Variants in FNDC3B observed in about 807,000 individuals in gnomAD.
The protein encoded by FNDC3B is fibronectin type III domain-containing protein 3B.
Under a neutral mutation model 151.5 loss-of-function variants are expected in FNDC3B, and 12 were observed. The ratio of observed to expected loss-of-function variants is 0.08; its 90% confidence interval spans 0.05 to 0.13. The LOEUF (loss-of-function observed/expected upper bound fraction) is 0.13. Ranked by LOEUF, FNDC3B falls within the 10% of genes least tolerant of loss-of-function variation. The probability of loss-of-function intolerance (pLI) is 1.00; values close to 1 mark genes in which losing one functional copy is unlikely to be tolerated. For synonymous variants in FNDC3B, 528 were observed against 549.0 expected, an observed-to-expected ratio of 0.96 and a Z score of 0.54; for missense variants, 1,214 against 1,505.3, an observed-to-expected ratio of 0.81 and a Z score of 3.20.
At chr3:172,258,032 A>G (rs1024435890) in intron 6 of FNDC3B, among the ~76,000 whole-genome samples, 4 of 152,202 alleles carry the variant, frequency 2.6e-5, no homozygotes, top group Non-Finnish European at 5.9e-5. Flanking sequence ...CATGATAAAT[A>G]TATACTAGTG....
At chr3:172,300,978 T>G (rs1730885590) in intron 9 of FNDC3B, among the ~76,000 whole-genome samples, 3 of 152,214 alleles carry the variant, frequency 2.0e-5, no homozygotes, top group Admixed American at 2.0e-4. Context: ...TAGATGTAGC[T>G]TCCTCTGCCT....
intron 10 of FNDC3B, 64 bp downstream of exon 10, chr3:172,307,565 T>C: frequency 6.4e-7 from 1 of 1,550,584 alleles, no homozygotes. Context: ...GGTGGCAACG[T>C]GTTCCTAGTC....
intron 1 of FNDC3B, among the ~76,000 whole-genome samples, chr3:172,079,160 A>T (rs1675695487): frequency 6.6e-6 from 1 of 152,234 alleles, no homozygotes; most frequent in South Asian, 2.1e-4. Context: ...AATTAGGAAG[A>T]CATGACATCA....
At chr3:172,333,531 G>A (rs1732795324) in intron 14 of FNDC3B, among the ~76,000 whole-genome samples, 1 of 123,048 alleles carries the variant, frequency 8.1e-6, no homozygotes, top group Non-Finnish European at 1.6e-5. Context: ...TTTTAGTTGA[G>A]ACGGGGGTTT....
chr3:172,123,583 A>C (rs1279903735), intron 2 of FNDC3B, among the ~76,000 whole-genome samples: 2 of 152,202 alleles, frequency 1.3e-5, no homozygotes, highest in Admixed American at 6.5e-5. Flanking sequence ...GACATACAGA[A>C]GGATGTGCTT....
At chr3:172,233,782 T>C (rs113609250) in intron 4 of FNDC3B, among the ~76,000 whole-genome samples, 181 of 152,292 alleles carry the variant, frequency 1.2e-3, no homozygotes, top group African/African-American at 4.2e-3. Context: ...ATAAGGAGAA[T>C]TGGATTCTCT....
chr3:172,239,083 T>C (rs1727330918), intron 4 of FNDC3B, among the ~76,000 whole-genome samples: 1 of 152,206 alleles, frequency 6.6e-6, no homozygotes, highest in Non-Finnish European at 1.5e-5. Context: ...GCTTGCTTTC[T>C]TATTCATTTA....
rs376511924 is a variant in FNDC3B at position 172,392,894 on chromosome 3, C to T, written c.3304-4270C>T. Among the ~76,000 whole-genome samples, 50 of 136,014 alleles carry T rather than the reference C, an allele frequency of 3.7e-4. 1 individual carries two copies. The South Asian group carries it at 0.012, about 33-fold the overall frequency. 89.2% of individuals were successfully genotyped at this position (136,014 alleles called of 152,430 possible). On this transcript the variant is annotated intron_variant, in intron 25 of 25. Coordinates refer to ENST00000415807, the MANE Select transcript of FNDC3B (RefSeq NM_022763.4). ...CAATCTCGGCTCACTAAAACCTCCA[C>T]CTCCCATGTCCAAGCAGTTCTTCTG...
intron 3 of FNDC3B, among the ~76,000 whole-genome samples, chr3:172,180,665 C>T (rs868203055): frequency 2.0e-5 from 3 of 152,216 alleles, no homozygotes; most frequent in Non-Finnish European, 2.9e-5. Context: ...AGTTAGCTAG[C>T]GGGTTTGATC....
intron 6 of FNDC3B, among the ~76,000 whole-genome samples, chr3:172,252,352 C>G (rs1042553000): frequency 1.3e-5 from 2 of 151,954 alleles, no homozygotes; most frequent in African/African-American, 2.4e-5. Flanking sequence ...AAAACAAAGA[C>G]TTGAACAACT....
intron 25 of FNDC3B, among the ~76,000 whole-genome samples, chr3:172,388,219 C>T (rs560563348): frequency 3.9e-5 from 6 of 152,266 alleles, no homozygotes; most frequent in Admixed American, 6.5e-5. Flanking sequence ...GCACTGTTCT[C>T]GCCACCCTTC....
rs1349995061 is a variant in FNDC3B at position 172,093,098 on chromosome 3, A to G, written c.-28-19354A>G. Among the ~76,000 whole-genome samples, 27 of 150,352 alleles carry G rather than the reference A, an allele frequency of 1.8e-4. No homozygotes were observed. In the Middle Eastern group the frequency reaches 0.011, roughly 61 times the overall value. On this transcript the variant is annotated intron_variant, in intron 1 of 25. Coordinates refer to ENST00000415807, the MANE Select transcript of FNDC3B (RefSeq NM_022763.4). ...CTCCCAAAGTGCTGGGATTACAGGC[A>G]TGAGCCACTGCACCTGGCCAGAATC... is the stretch of plus-strand genomic sequence containing the variant.
Position 172,397,082 on chromosome 3 carries a change from T to G in FNDC3B, c.3304-82T>G, listed in dbSNP as rs565711653. 166 of 1,065,344 alleles carry G rather than the reference T, an allele frequency of 1.6e-4. No homozygotes were observed. In the African/African-American group the frequency reaches 2.4e-3, roughly 15 times the overall value. The allele number at this position is 1,065,344 out of a possible 1,614,324, so 66.0% of individuals were successfully genotyped here. A position where few individuals can be genotyped will look rare whatever the true frequency, so the allele number is the denominator to read the frequency against. The stretch of plus-strand genomic sequence containing the variant: ...AATGTGAATATAAACCAAGAGTGAA[T>G]GGAGTGAATCTAAACCAAGATTCTT... On this transcript the variant is annotated intron_variant, in intron 25 of 25. Transcript: ENST00000415807.
chr3:172,100,076 AAGG>A (rs1719308300), intron 1 of FNDC3B, among the ~76,000 whole-genome samples: 1 of 152,192 alleles, frequency 6.6e-6, no homozygotes, highest in Non-Finnish European at 1.5e-5. Context: ...GTGTTCATAT[AAGG>A]AGAAGTACTA....
At chr3:172,307,013 A>G (rs1413697935) in intron 9 of FNDC3B, 2 of 183,728 alleles carry the variant, frequency 1.1e-5, no homozygotes, top group Non-Finnish European at 2.3e-5. Flanking sequence ...CTTTTTCCAG[A>G]TAAAGTCAAC....
intron 6 of FNDC3B, among the ~76,000 whole-genome samples, chr3:172,265,607 T>C (rs1440625706): frequency 6.6e-6 from 1 of 152,218 alleles, no homozygotes; most frequent in Non-Finnish European, 1.5e-5. Context: ...TTGGTAATTA[T>C]AGGTGACAAT....
At chr3:172,362,879 T>C (rs752798615) in intron 23 of FNDC3B, 34 bp downstream of exon 23, 5 of 1,522,160 alleles carry the variant, frequency 3.3e-6, no homozygotes, top group Non-Finnish European at 4.5e-6. Context: ...CTGAAGCTTC[T>C]GTAGCTTTGG....
At chr3:172,052,809 T>G (rs887953696) in intron 1 of FNDC3B, among the ~76,000 whole-genome samples, 1 of 152,142 alleles carries the variant, frequency 6.6e-6, no homozygotes, top group Non-Finnish European at 1.5e-5. Flanking sequence ...AGGTTTTCAA[T>G]CTAATGGCTG....
chr3:172,246,081 TG>T (rs1727759370), intron 4 of FNDC3B, among the ~76,000 whole-genome samples: 1 of 152,246 alleles, frequency 6.6e-6, no homozygotes, highest in South Asian at 2.1e-4. Context: ...GTTATTAAGA[TG>T]TTTTAGACAT....
Sources: gnomAD v4.1 joint callset for allele counts (sites outside exome capture counted in the v4.1 genomes callset) on GRCh38, gnomAD v4.1.1 for gene constraint, MANE v1.5 for transcripts, NCBI Gene and HGNC (gene_info 2026-07-23, HGNC 2026-07-21) for gene names.